SYNE1: variants seen among roughly 807,000 people sequenced by gnomAD.
The protein encoded by SYNE1 is spectrin repeat containing nuclear envelope protein 1, also known as nesprin-1.
In SYNE1, 616 loss-of-function variants were observed where a neutral mutation model predicts 1,111.0. The observed-to-expected ratio is 0.55, with a 90% confidence interval of 0.52 to 0.59. SYNE1 has a LOEUF of 0.59. Ranked by LOEUF, SYNE1 falls within the 20% of genes least tolerant of loss-of-function variation. SYNE1 has a pLI of 0.00. For synonymous variants in SYNE1, 3,855 were observed against 3,825.8 expected, an observed-to-expected ratio of 1.01 and a Z score of -0.28; for missense variants, 10,006 against 10,417.0, an observed-to-expected ratio of 0.96 and a Z score of 1.72.
chr6:152,300,697 G>A lies in SYNE1; in HGVS notation c.17626C>T (p.Pro5876Ser). 6.2e-7 allele frequency: 1 copy of A among 1,614,226 alleles called. No homozygotes were observed. Among genetic ancestry groups the A allele is most frequent in the Non-Finnish European group, 8.5e-7 (1 of 1,180,044 alleles). ...GGTGAAGGGGAGCGACAGGCAGGTG[G>A]AGAGGAAATCTCACTGTTGGTTCCC... ...EEGTNSEISS[P>S]PACRSPSPVA... The change falls in exon 93 of 146, where the codon CCA becomes TCA. Residue 5876 changes from proline to serine, a missense_variant. By Grantham distance (74) the Pro-to-Ser change is moderately conservative. Around this residue, in one of 7 missense-constraint regions of SYNE1, gnomAD observed 4,955 missense variants for 5,017.2 expected, o/e 0.99. Coordinates refer to ENST00000367255, the MANE Select transcript of SYNE1 (RefSeq NM_182961.4).
At chr6:152,255,561 A>T in intron 103 of SYNE1, 30 bp downstream of exon 103, 1 of 1,612,826 alleles carries the variant, frequency 6.2e-7, no homozygotes, top group Admixed American at 1.7e-5. Context: ...GTAATGTTAT[A>T]CACACACAGG....
chr6:152,336,764 T>C (rs1180932227), intron 76 of SYNE1, 77 bp downstream of exon 76: 3 of 1,554,156 alleles, frequency 1.9e-6, no homozygotes, highest in East Asian at 4.5e-5. Flanking sequence ...CATATTGAAG[T>C]GAATACACTG....
chr6:152,242,807 A>G (rs1261564130), intron 106 of SYNE1, among the ~76,000 whole-genome samples: 1 of 151,770 alleles, frequency 6.6e-6, no homozygotes, highest in African/African-American at 2.4e-5. Context: ...GGAGAAACTG[A>G]AAAAAAACTG....
intron 3 of SYNE1, among the ~76,000 whole-genome samples, chr6:152,560,664 A>G (rs548671120): frequency 6.6e-6 from 1 of 152,328 alleles, no homozygotes; most frequent in Admixed American, 6.5e-5. Flanking sequence ...TCCCTGATAA[A>G]CATAGACATG....
chr6:152,348,719 CATAA>C (rs964067645), intron 72 of SYNE1, among the ~76,000 whole-genome samples: 6 of 147,494 alleles, frequency 4.1e-5, no homozygotes, highest in African/African-American at 7.5e-5. Flanking sequence ...TAAATAAATA[CATAA>C]ATAAATAAAA....
chr6:152,272,090 T>C (rs1380306981), intron 98 of SYNE1, among the ~76,000 whole-genome samples: 2 of 152,242 alleles, frequency 1.3e-5, no homozygotes, highest in African/African-American at 2.4e-5. Context: ...TGCACAGATA[T>C]ATATTCAGAT....
chr6:152,552,773 A>C (rs771767822), intron 3 of SYNE1, among the ~76,000 whole-genome samples: 2 of 152,210 alleles, frequency 1.3e-5, no homozygotes, highest in Non-Finnish European at 2.9e-5. Context: ...AATCCTGCAC[A>C]GAGCACCAGG....
At chr6:152,471,970 T>C in intron 15 of SYNE1, 1 of 615,880 alleles carries the variant, frequency 1.6e-6, no homozygotes, top group South Asian at 2.0e-5. Flanking sequence ...GATTTAGTTC[T>C]TTCCCCTGCC....
intron 97 of SYNE1, among the ~76,000 whole-genome samples, chr6:152,281,446 A>G (rs1224502389): frequency 6.6e-6 from 1 of 152,160 alleles, no homozygotes; most frequent in East Asian, 1.9e-4. Context: ...CAGAGCACCT[A>G]GAGATACTTC....
At chr6:152,132,813 A>G (rs1345213520) in intron 143 of SYNE1, among the ~76,000 whole-genome samples, 2 of 152,032 alleles carry the variant, frequency 1.3e-5, no homozygotes, top group East Asian at 3.8e-4. Context: ...TAATACCACA[A>G]TGGAGTTGAT....
chr6:152,585,600 C>G (rs2099535394), intron 3 of SYNE1, among the ~76,000 whole-genome samples: 1 of 152,162 alleles, frequency 6.6e-6, no homozygotes. Flanking sequence ...TTTTCTCCAA[C>G]TTTCTCATTT....
intron 56 of SYNE1, 57 bp downstream of exon 56, chr6:152,380,949 A>G: frequency 1.3e-6 from 2 of 1,556,008 alleles, no homozygotes; most frequent in Non-Finnish European, 1.8e-6. Flanking sequence ...AGGAATGATG[A>G]AAGTCAAAAC....
At chr6:152,534,277 T>C (rs913573974) in intron 4 of SYNE1, among the ~76,000 whole-genome samples, 1 of 152,120 alleles carries the variant, frequency 6.6e-6, no homozygotes, top group African/African-American at 2.4e-5. Flanking sequence ...AAAATGTTTA[T>C]TAGTCTGCAT....
chr6:152,385,388 T>C (rs2097509791), intron 55 of SYNE1, among the ~76,000 whole-genome samples: 1 of 152,222 alleles, frequency 6.6e-6, no homozygotes, highest in East Asian at 1.9e-4. Context: ...AACAATAGTA[T>C]CTGGTTTTGT....
intron 101 of SYNE1, among the ~76,000 whole-genome samples, chr6:152,258,969 T>C (rs955911299): frequency 3.3e-5 from 5 of 152,100 alleles, no homozygotes; most frequent in African/African-American, 4.8e-5. Flanking sequence ...GGTCTTGAAC[T>C]CCTGACCTCA....
chr6:152,517,630 C>T (rs1181623506), intron 6 of SYNE1, among the ~76,000 whole-genome samples: 1 of 152,098 alleles, frequency 6.6e-6, no homozygotes, highest in Admixed American at 6.5e-5. Flanking sequence ...CATATCTAGG[C>T]AATGGGACAC....
Position 152,233,773 on chromosome 6 carries a change from T to C in SYNE1, c.20712+8A>G. The C allele has an allele frequency of 6.2e-7, 1 of 1,614,176 alleles. No homozygotes were observed. Among genetic ancestry groups the C allele is most frequent in the Non-Finnish European group, 8.5e-7 (1 of 1,180,032 alleles). On this transcript the variant is annotated splice_region_variant and intron_variant, in intron 112 of 145. Transcript: ENST00000367255. ...AGCTATTTCCCACGAAAGCAATCCTTTCTGTACCTGGTGGAGCTTCTCCTG... is the reference window on the plus strand; with the variant it reads ...AGCTATTTCCCACGAAAGCAATCCTCTCTGTACCTGGTGGAGCTTCTCCTG...
At chr6:152,577,509 T>A (rs1325033290) in intron 3 of SYNE1, among the ~76,000 whole-genome samples, 3 of 152,078 alleles carry the variant, frequency 2.0e-5, no homozygotes, top group Non-Finnish European at 4.4e-5. Flanking sequence ...GGCGGGCGCC[T>A]GTAGTCGCAG....
In SYNE1 at chr6:152,387,064, G is replaced by A; in HGVS notation, c.8487+8C>T. ...ATAAAGCATCTACTTTCAATATAAA[G>A]CACTAACCTTGGCAACAGTCATTAT... On this transcript the variant is annotated splice_region_variant and intron_variant, in intron 54 of 145. Transcript: ENST00000367255. The A allele has an allele frequency of 1.2e-6, 2 of 1,610,016 alleles. No homozygotes were observed. Among genetic ancestry groups the A allele is most frequent in the Non-Finnish European group, 1.7e-6 (2 of 1,177,302 alleles).
Sources: allele counts gnomAD v4.1 joint callset (sites outside exome capture counted in the v4.1 genomes callset), GRCh38; gene constraint gnomAD v4.1.1; regional missense constraint gnomAD v4.1.1; transcripts MANE v1.5; gene names NCBI Gene and HGNC (gene_info 2026-07-23, HGNC 2026-07-21).